Variants in SYNE1 observed in about 807,000 individuals in gnomAD.
The protein encoded by SYNE1 is nesprin-1.
A neutral mutation model predicts 1,111.0 loss-of-function variants in SYNE1; 616 were observed. The ratio of observed to expected loss-of-function variants is 0.55; its 90% CI spans 0.52 to 0.59. SYNE1 has a LOEUF of 0.59. Among genes scored for constraint, SYNE1 ranks in the 20% least tolerant of loss-of-function variants. SYNE1 has a pLI of 0.00. For missense variants in SYNE1, 10,006 were observed against 10,417.0 expected, an observed-to-expected ratio of 0.96 and a Z score of 1.72; for synonymous variants, 3,855 against 3,825.8, an observed-to-expected ratio of 1.01 and a Z score of -0.28.
At chr6:152,364,686 G>GAGGAAGGAAGGAAGGAAGGAAGGA (rs138395598) in intron 63 of SYNE1, among the ~76,000 whole-genome samples, 161 bp downstream of exon 63, 50 of 108,066 alleles carry the variant, frequency 4.6e-4, no homozygotes, top group South Asian at 1.4e-3. Context: ...AAGGAGGAAG[G>GAGGAAGGAAGGAAGGAAGGAAGGA]AGGAAGGAAG....
At chr6:152,379,835 G>T (rs758835987) in intron 56 of SYNE1, among the ~76,000 whole-genome samples, 1 of 152,078 alleles carries the variant, frequency 6.6e-6, no homozygotes, top group Non-Finnish European at 1.5e-5. Context: ...TAAAAATAAT[G>T]AACAGAATAG....
intron 56 of SYNE1, among the ~76,000 whole-genome samples, chr6:152,377,671 A>ATATC (rs1357623498): frequency 7.7e-6 from 1 of 130,574 alleles, no homozygotes; most frequent in African/African-American, 2.9e-5. Flanking sequence ...ATATATATAT[A>ATATC]TCTCCAAAAT....
chr6:152,362,107 C>G, intron 64 of SYNE1, 63 bp downstream of exon 64: 2 of 1,612,842 alleles, frequency 1.2e-6, no homozygotes, highest in Non-Finnish European at 1.7e-6. Flanking sequence ...CCATTTTTGT[C>G]TGACTGTGGC....
At position 152,430,578 on chromosome 6, in the gene SYNE1, T is replaced by A; in HGVS notation, c.4593A>T (p.Arg1531Ser). 2.5e-6 allele frequency: 4 copies of A among 1,614,182 alleles called. No individual in the cohort carries two copies. The highest frequency in any genetic ancestry group is 3.4e-6 in the Non-Finnish European group (4 of 1,180,012). The change falls in exon 35 of 146, where the codon AGA (arginine) becomes AGT (serine). Residue 1531 changes from arginine to serine, a missense_variant. Around this residue, in one of 7 missense-constraint regions of SYNE1, gnomAD observed 1,971 missense variants for 2,084.1 expected, o/e 0.95. Coordinates refer to ENST00000367255, the MANE Select transcript of SYNE1 (RefSeq NM_182961.4). ...RIKAKLTQIR[R>S]YGEELREHAQ... ...CATGCTCTCGAAGCTCTTCCCCGTATCTTCTTATTTGTGTCAACTTGGCTT... is the reference window on the plus strand; with the variant it reads ...CATGCTCTCGAAGCTCTTCCCCGTAACTTCTTATTTGTGTCAACTTGGCTT...
intron 109 of SYNE1, 133 bp downstream of exon 109, chr6:152,236,684 T>TA (rs2084158213): frequency 2.6e-6 from 3 of 1,143,658 alleles, no homozygotes; most frequent in Non-Finnish European, 3.9e-6. Context: ...ACAGAAACAT[T>TA]ATCTCCTTTC....
intron 3 of SYNE1, among the ~76,000 whole-genome samples, chr6:152,597,082 G>A (rs1344779767): frequency 6.6e-6 from 1 of 152,140 alleles, no homozygotes; most frequent in Non-Finnish European, 1.5e-5. Context: ...TTGTTAAATT[G>A]ATATGAAGTG....
At chr6:152,287,876 C>T (rs548001879) in intron 95 of SYNE1, among the ~76,000 whole-genome samples, 145 of 152,284 alleles carry the variant, frequency 9.5e-4, no homozygotes, top group African/African-American at 3.3e-3. Context: ...AGCTTGTCAA[C>T]CTCCACCAAA....
chr6:152,470,701 C>T (rs898262257), intron 16 of SYNE1, among the ~76,000 whole-genome samples: 4 of 152,042 alleles, frequency 2.6e-5, no homozygotes, highest in African/African-American at 9.7e-5. Context: ...TCAAGCAGAA[C>T]ATGTTTTAGA....
intron 4 of SYNE1, among the ~76,000 whole-genome samples, chr6:152,538,686 G>A (rs2127972136): frequency 6.7e-6 from 1 of 150,036 alleles, no homozygotes; most frequent in South Asian, 2.1e-4. Flanking sequence ...ACAAATAGCT[G>A]CCAGATGGGA....
chr6:152,341,081 G>C (rs989090127), intron 74 of SYNE1, among the ~76,000 whole-genome samples: 1 of 152,102 alleles, frequency 6.6e-6, no homozygotes, highest in African/African-American at 2.4e-5. Flanking sequence ...TGCACTGTGT[G>C]GATTACCTAG....
chr6:152,537,916 G>A (rs1167697944), intron 4 of SYNE1, among the ~76,000 whole-genome samples: 1 of 152,092 alleles, frequency 6.6e-6, no homozygotes, highest in Non-Finnish European at 1.5e-5. Context: ...AGCTATATTT[G>A]GAAATGGTAA....
At chr6:152,267,724 C>T (rs1197359197) in intron 100 of SYNE1, among the ~76,000 whole-genome samples, 1 of 152,120 alleles carries the variant, frequency 6.6e-6, no homozygotes, top group Non-Finnish European at 1.5e-5. Context: ...AGAATGCTCT[C>T]CAGTGAGATA....
intron 3 of SYNE1, among the ~76,000 whole-genome samples, chr6:152,609,023 G>A (rs1458697888): frequency 6.6e-6 from 1 of 152,066 alleles, no homozygotes; most frequent in Non-Finnish European, 1.5e-5. Flanking sequence ...AATAGGAAGA[G>A]CTCCAGTCTG....
intron 128 of SYNE1, among the ~76,000 whole-genome samples, chr6:152,182,640 T>C (rs1022136697): frequency 1.3e-5 from 2 of 152,234 alleles, no homozygotes; most frequent in Admixed American, 6.5e-5. Flanking sequence ...TTTCTAGTTA[T>C]CAATTCTGTC....
At chr6:152,350,061 GATGCACCTGTGTGTGCACCCCCACAC>G in intron 72 of SYNE1, 81 bp downstream of exon 72, 1 of 1,379,956 alleles carries the variant, frequency 7.2e-7, no homozygotes, top group Non-Finnish European at 1.0e-6. Flanking sequence ...ATAAACCAGA[GATGCACCTGTGTGTGCACCCCCACAC>G]ATGCACACAC....
intron 14 of SYNE1, among the ~76,000 whole-genome samples, chr6:152,473,001 G>A (rs2098815317): frequency 1.3e-5 from 2 of 152,176 alleles, no homozygotes; most frequent in Admixed American, 6.5e-5. Flanking sequence ...TAAATGTGAT[G>A]TTAATAAATA....
At position 152,146,084 on chromosome 6, in the gene SYNE1, C is replaced by T. The variant is rs961092008; in HGVS notation, c.24976+1961G>A. On this transcript the variant is annotated intron_variant, in intron 137 of 145. Transcript: ENST00000367255. ...AGTGACTGAGAGTGTTTTTATGAGCCAGGCTCTGGTCTGAGCACAAATTTA... is the reference window on the plus strand; with the variant it reads ...AGTGACTGAGAGTGTTTTTATGAGCTAGGCTCTGGTCTGAGCACAAATTTA... The T allele has an allele frequency of 2.4e-5, 4 of 164,734 alleles. No homozygotes were observed. In the East Asian group the frequency reaches 6.5e-4, roughly 27 times the overall value. The allele number at this position is 164,734 out of a possible 1,614,324, so 10.2% of individuals were successfully genotyped here. A position where few individuals can be genotyped will look rare whatever the true frequency, so the allele number is the denominator to read the frequency against.
At chr6:152,585,163 G>A (rs1054855337) in intron 3 of SYNE1, among the ~76,000 whole-genome samples, 3 of 152,122 alleles carry the variant, frequency 2.0e-5, no homozygotes, top group African/African-American at 4.8e-5. Context: ...CCTTGCTGCC[G>A]CCATGTGAAG....
At chr6:152,420,797 C>G (rs952847052) in intron 39 of SYNE1, among the ~76,000 whole-genome samples, 63 of 150,682 alleles carry the variant, frequency 4.2e-4, no homozygotes, top group African/African-American at 1.5e-3. Context: ...CTTTCCAAGT[C>G]AAGATAACTT....
Sources: gnomAD v4.1 joint callset for allele counts (sites outside exome capture counted in the v4.1 genomes callset) on GRCh38, gnomAD v4.1.1 for gene constraint, gnomAD v4.1.1 regional missense constraint, MANE v1.5 for transcripts, NCBI Gene and HGNC (gene_info 2026-07-23, HGNC 2026-07-21) for gene names.